SSH2: variants seen among roughly 807,000 people sequenced by gnomAD.
SSH2 encodes the protein protein phosphatase Slingshot homolog 2.
Under a neutral mutation model 135.2 loss-of-function variants are expected in SSH2, and 37 were observed. The ratio of observed to expected loss-of-function variants is 0.27; its 90% CI spans 0.21 to 0.36. The LOEUF (loss-of-function observed/expected upper bound fraction) is 0.36. Ranked by LOEUF, SSH2 falls within the 10% of genes least tolerant of loss-of-function variation. SSH2 has a pLI of 1.00. For synonymous variants in SSH2, 628 were observed against 646.2 expected, an observed-to-expected ratio of 0.97 and a Z score of 0.43; for missense variants, 1,408 against 1,765.3, an observed-to-expected ratio of 0.80 and a Z score of 3.63.
intron 1 of SSH2, among the ~76,000 whole-genome samples, chr17:29,889,828 A>C (rs35976131): frequency 0.013 from 1,873 of 147,336 alleles, 50 homozygotes; most frequent in African/African-American, 0.045. Context: ...AAAAAAAAAA[A>C]CCAGCCAGGT....
chr17:29,923,801 G>A (rs1218645026), intron 1 of SSH2, among the ~76,000 whole-genome samples: 2 of 152,062 alleles, frequency 1.3e-5, no homozygotes, highest in African/African-American at 2.4e-5. Flanking sequence ...AGCTACTTGG[G>A]AGGCTGAGAA....
At chr17:29,757,346 T>C (rs904622243) in intron 3 of SSH2, among the ~76,000 whole-genome samples, 3 of 152,218 alleles carry the variant, frequency 2.0e-5, no homozygotes, top group Non-Finnish European at 2.9e-5. Flanking sequence ...CTCAAGGAGT[T>C]TGACTTTCTG....
At position 29,627,172 on chromosome 17, in the gene SSH2, A is replaced by G. The variant is rs941026966; in HGVS notation, c.*3669T>C. 1.3e-5 allele frequency: 2 copies of G among 152,668 alleles called. No homozygotes were observed. Among genetic ancestry groups the G allele is most frequent in the Non-Finnish European group, 2.9e-5 (2 of 68,042 alleles). 9.5% of individuals were successfully genotyped at this position (152,668 alleles called of 1,614,324 possible). ...GGCCGACAAGATGATGCACATTTTA[A>G]TATTCAAAATGTAAACAAAGTATCC... On this transcript the variant is annotated 3_prime_UTR_variant, in exon 16 of 16. Coordinates refer to ENST00000540801, the MANE Select transcript of SSH2 (RefSeq NM_001282129.2).
intron 3 of SSH2, among the ~76,000 whole-genome samples, chr17:29,736,078 CAG>C (rs1262702782): frequency 1.3e-5 from 2 of 152,118 alleles, no homozygotes; most frequent in African/African-American, 2.4e-5. Flanking sequence ...GCCTGGACGA[CAG>C]AGTGACACTA....
intron 1 of SSH2, among the ~76,000 whole-genome samples, chr17:29,868,231 C>T (rs994367477): frequency 6.6e-6 from 1 of 152,174 alleles, no homozygotes; most frequent in Non-Finnish European, 1.5e-5. Context: ...GTACTAAAAA[C>T]TCAGTTAATT....
At chr17:29,787,583 A>G (rs1166404206) in intron 3 of SSH2, 2 of 152,084 alleles carry the variant, frequency 1.3e-5, no homozygotes, top group African/African-American at 2.4e-5. Flanking sequence ...CAGCTATGCC[A>G]TTTTACATTC....
At chr17:29,865,790 A>C (rs1259655902) in intron 1 of SSH2, among the ~76,000 whole-genome samples, 2 of 152,200 alleles carry the variant, frequency 1.3e-5, no homozygotes, top group Admixed American at 1.3e-4. Context: ...AAGAACAATA[A>C]ATTTACAAAT....
At chr17:29,741,603 TC>T (rs1567936386) in intron 3 of SSH2, among the ~76,000 whole-genome samples, 1 of 141,100 alleles carries the variant, frequency 7.1e-6, no homozygotes, top group African/African-American at 2.8e-5. Flanking sequence ...CACGAAACAA[TC>T]CCCCTCCTTT....
At chr17:29,657,574 GTTTTTTTTTTTT>G (rs764763821) in intron 11 of SSH2, among the ~76,000 whole-genome samples, 2 of 80,078 alleles carry the variant, frequency 2.5e-5, no homozygotes, top group Admixed American at 1.9e-4. Context: ...CGGCTACTTT[GTTTTTTTTTTTT>G]TTTTTTTTTT....
intron 1 of SSH2, among the ~76,000 whole-genome samples, chr17:29,851,334 C>A (rs996325108): frequency 2.0e-5 from 3 of 151,808 alleles, no homozygotes; most frequent in African/African-American, 7.3e-5. Flanking sequence ...CGGTGGCTCA[C>A]ACCTGTAATC....
chr17:29,670,112 C>T (rs1457605377), intron 9 of SSH2, among the ~76,000 whole-genome samples: 1 of 152,054 alleles, frequency 6.6e-6, no homozygotes, highest in Non-Finnish European at 1.5e-5. Flanking sequence ...GAACTCCTGA[C>T]CTCAGGTGAT....
chr17:29,832,736 T>A (rs986944182), intron 2 of SSH2, among the ~76,000 whole-genome samples: 1 of 152,184 alleles, frequency 6.6e-6, no homozygotes, highest in Non-Finnish European at 1.5e-5. Context: ...AGTGGCATGA[T>A]CTCAGCTCAC....
intron 3 of SSH2, among the ~76,000 whole-genome samples, chr17:29,753,998 A>G (rs1286624053): frequency 6.6e-6 from 1 of 152,206 alleles, no homozygotes; most frequent in Non-Finnish European, 1.5e-5. Flanking sequence ...ATTCAGAGAC[A>G]AGAAATGCTT....
At chr17:29,643,882 G>T (rs1312829943) in intron 14 of SSH2, among the ~76,000 whole-genome samples, 1 of 152,164 alleles carries the variant, frequency 6.6e-6, no homozygotes, top group African/African-American at 2.4e-5. Flanking sequence ...TTTGGGGAAG[G>T]TCTTCCTATC....
chr17:29,908,117 G>A (rs1033348148), intron 1 of SSH2, among the ~76,000 whole-genome samples: 19 of 151,908 alleles, frequency 1.3e-4, no homozygotes, highest in African/African-American at 4.6e-4. Flanking sequence ...GCCCAACCCT[G>A]ACAAAACCTT....
At chr17:29,865,425 A>AG (rs1393907901) in intron 1 of SSH2, among the ~76,000 whole-genome samples, 2 of 152,218 alleles carry the variant, frequency 1.3e-5, no homozygotes, top group Non-Finnish European at 2.9e-5. Context: ...TAAAATAAAG[A>AG]GGGAGGACTT....
chr17:29,663,146 A>G (rs1163969660), intron 11 of SSH2, among the ~76,000 whole-genome samples: 2 of 152,238 alleles, frequency 1.3e-5, no homozygotes, highest in Non-Finnish European at 2.9e-5. Flanking sequence ...TATTTAAGCT[A>G]TAATCTACAC....
Position 29,725,276 on chromosome 17 carries a change from C to T in SSH2, c.189-22214G>A, listed in dbSNP as rs62068607. On this transcript the variant is annotated intron_variant, in intron 3 of 15. Coordinates refer to ENST00000540801, the MANE Select transcript of SSH2 (RefSeq NM_001282129.2). ...GCAGGAGAATTGCTTGAACCCAGGA[C>T]GCCGAGGTTGCAGTGAGCCAAGATT... Among the ~76,000 whole-genome samples the T allele has an allele frequency of 6.1e-5, 6 of 98,988 alleles. No homozygotes were observed. In the South Asian group the frequency reaches 1.5e-3, roughly 25 times the overall value. The allele number at this position is 98,988 out of a possible 152,430, so 64.9% of individuals were successfully genotyped here. A position where few individuals can be genotyped will look rare whatever the true frequency, so the allele number is the denominator to read the frequency against.
intron 1 of SSH2, among the ~76,000 whole-genome samples, chr17:29,897,375 T>C (rs1415934451): frequency 6.6e-6 from 1 of 152,016 alleles, no homozygotes; most frequent in Non-Finnish European, 1.5e-5. Context: ...GTGTGCTGTA[T>C]TCAGGAAACC....
Sources: allele counts gnomAD v4.1 joint callset (sites outside exome capture counted in the v4.1 genomes callset), GRCh38; gene constraint gnomAD v4.1.1; transcripts MANE v1.5; gene names NCBI Gene and HGNC (gene_info 2026-07-23, HGNC 2026-07-21).